The following AGPAT4 variants were observed in gnomAD, a reference collection of about 807,000 sequenced individuals.
AGPAT4 encodes 1-acyl-sn-glycerol-3-phosphate acyltransferase delta.
In AGPAT4, 15 loss-of-function variants were observed where a neutral mutation model predicts 48.0. The ratio of observed to expected loss-of-function variants is 0.31; its 90% CI spans 0.21 to 0.48. AGPAT4 has a LOEUF of 0.48. AGPAT4 is among the 20% of genes least tolerant of loss of function. AGPAT4 has a pLI of 0.99. For synonymous variants in AGPAT4, 178 were observed against 198.7 expected, an observed-to-expected ratio of 0.90 and a Z score of 0.88; for missense variants, 314 against 482.5, an observed-to-expected ratio of 0.65 and a Z score of 3.27.
In AGPAT4 at chr6:161,223,227, C is replaced by T. The variant is rs1781877461; in HGVS notation, c.178+8809G>A. Among the ~76,000 whole-genome samples the T allele has an allele frequency of 2.6e-5, 4 of 152,320 alleles. No homozygotes were observed. Among genetic ancestry groups the T allele is most frequent in the Admixed American group, 2.0e-4 (3 of 15,298 alleles). The stretch of plus-strand genomic sequence containing the variant: ...GGTGCTGACCCCAGTGCCTGGCCCC[C>T]TGGACTGAGCTTGGGTGCACGTTTG... On this transcript the variant is annotated intron_variant, in intron 2 of 8. Coordinates refer to ENST00000320285, the MANE Select transcript of AGPAT4 (RefSeq NM_020133.3). This position sits in a 1 kb window ranked among gnomAD's most constrained non-coding sequence, Gnocchi z 6.3.
intron 1 of AGPAT4, among the ~76,000 whole-genome samples, chr6:161,260,097 C>T (rs1311141674): frequency 5.3e-5 from 8 of 152,282 alleles, no homozygotes; most frequent in African/African-American, 1.9e-4. Flanking sequence ...ATCCAGCAGC[C>T]TCTCACTGCT....
At chr6:161,194,724 CAT>C (rs1416539447) in intron 2 of AGPAT4, among the ~76,000 whole-genome samples, 6 of 151,896 alleles carry the variant, frequency 4.0e-5, no homozygotes, top group East Asian at 1.9e-4. Context: ...TGTGTATGTG[CAT>C]ATGTGTGTGT....
At chr6:161,209,506 C>T (rs1562339241) in intron 2 of AGPAT4, among the ~76,000 whole-genome samples, 1 of 152,182 alleles carries the variant, frequency 6.6e-6, no homozygotes, top group East Asian at 1.9e-4. Context: ...CTCTGTTCCA[C>T]AGCCTTGGGC....
chr6:161,260,645 GACT>G (rs1480514321), intron 1 of AGPAT4, among the ~76,000 whole-genome samples: 1 of 99,468 alleles, frequency 1.0e-5, no homozygotes, highest in Non-Finnish European at 1.8e-5. Flanking sequence ...CACAAAAGGA[GACT>G]ACGTCTCAAA....
At position 161,169,011 on chromosome 6, in the gene AGPAT4, A is replaced by G. The variant is rs1166147661; in HGVS notation, c.179-2594T>C. ...ATGGGGCATAGCAGGCAATCAATAA[A>G]TGGACAGCTTTTTAATTACTATTAT... On this transcript the variant is annotated intron_variant, in intron 2 of 8. Transcript: ENST00000320285. This position sits in a 1 kb window ranked among gnomAD's most constrained non-coding sequence, Gnocchi z 5.0. Among the ~76,000 whole-genome samples the G allele has an allele frequency of 1.3e-5, 2 of 152,206 alleles. No individual in the cohort carries two copies. The highest frequency in any genetic ancestry group is 2.4e-5 in the African/African-American group (1 of 41,458).
In AGPAT4 at chr6:161,184,912, T is replaced by C. The variant is rs1983696; in HGVS notation, c.179-18495A>G. Among the ~76,000 whole-genome samples, 113,334 of 151,892 alleles carry C rather than the reference T, an allele frequency of 0.75. 43,197 individuals carry two copies. Among genetic ancestry groups the C allele is most frequent in the East Asian group, 0.9 (4,652 of 5,166 alleles). ...AAGCACCCATACATAACTTCTAGTT[T>C]ACAGGCAGGTCAAGAGGGAGGAGTA... is the stretch of plus-strand genomic sequence containing the variant. On this transcript the variant is annotated intron_variant, in intron 2 of 8. Transcript: ENST00000320285. This position sits in a 1 kb window ranked among gnomAD's most constrained non-coding sequence, Gnocchi z 4.8.
chr6:161,203,848 T>C (rs1781310095), intron 2 of AGPAT4, among the ~76,000 whole-genome samples: 1 of 152,172 alleles, frequency 6.6e-6, no homozygotes, highest in African/African-American at 2.4e-5. Context: ...TCTCCACCCC[T>C]TGTAGAGTTT....
Position 161,178,499 on chromosome 6 carries a change from G to A in AGPAT4, c.179-12082C>T, listed in dbSNP as rs1433743174. The stretch of plus-strand genomic sequence containing the variant: ...GTTGGAAAAGCGCAGTATTAGGGTG[G>A]GAGTGAACCAATTTTCCAGGTGCCG... On this transcript the variant is annotated intron_variant, in intron 2 of 8. Coordinates refer to ENST00000320285, the MANE Select transcript of AGPAT4 (RefSeq NM_020133.3). The surrounding 1 kb of genome is among the most constrained non-coding windows in gnomAD (Gnocchi z 5.1). Among the ~76,000 whole-genome samples, 1 of 152,212 alleles carries A rather than the reference G, an allele frequency of 6.6e-6. No individual in the cohort carries two copies. Among genetic ancestry groups the A allele is most frequent in the Non-Finnish European group, 1.5e-5 (1 of 68,036 alleles).
In AGPAT4 at chr6:161,140,651, G is replaced by A. The variant is rs1244546897; in HGVS notation, c.844-1031C>T. On this transcript the variant is annotated intron_variant, in intron 7 of 8. Coordinates refer to ENST00000320285, the MANE Select transcript of AGPAT4 (RefSeq NM_020133.3). The surrounding 1 kb of genome is among the most constrained non-coding windows in gnomAD (Gnocchi z 6.5). ...AGGCGTGCTCAAGCGGCTGGGAGCT[G>A]AGCTGAGCCAGGACCTGGGGGGAAC... Among the ~76,000 whole-genome samples the A allele has an allele frequency of 6.6e-6, 1 of 152,238 alleles. No homozygotes were observed. Among genetic ancestry groups the A allele is most frequent in the African/African-American group, 2.4e-5 (1 of 41,466 alleles).
At position 161,162,793 on chromosome 6, in the gene AGPAT4, C is replaced by T. The variant is rs78378982; in HGVS notation, c.348+3455G>A. 1.2e-3 allele frequency among the ~76,000 whole-genome samples: 183 copies of T among 152,310 alleles called. 4 individuals are homozygous for T. In the East Asian group the frequency reaches 0.018, roughly 15 times the overall value. On this transcript the variant is annotated intron_variant, in intron 3 of 8. Transcript: ENST00000320285. ...TCATGGTGTGCTTGCCAGGGCCTGGCGCTACCCAGACACTGAACGATCATG... is the reference window on the plus strand; with the variant it reads ...TCATGGTGTGCTTGCCAGGGCCTGGTGCTACCCAGACACTGAACGATCATG...
intron 1 of AGPAT4, among the ~76,000 whole-genome samples, chr6:161,268,032 G>A (rs1158802188): frequency 1.3e-5 from 2 of 152,210 alleles, no homozygotes; most frequent in Non-Finnish European, 2.9e-5. Flanking sequence ...GATGATCTGG[G>A]TTAACGTCTC....
rs1779754520 is a variant in AGPAT4 at position 161,155,861 on chromosome 6, A to C, written c.349-1551T>G. On this transcript the variant is annotated intron_variant, in intron 3 of 8. Coordinates refer to ENST00000320285, the MANE Select transcript of AGPAT4 (RefSeq NM_020133.3). This position sits in a 1 kb window ranked among gnomAD's most constrained non-coding sequence, Gnocchi z 5.8. ...CATGCAGTCATTTGAAGGAGCTATA[A>C]ATGATGATTGGTTCTGCAGCCAGGA... is the stretch of plus-strand genomic sequence containing the variant. Among the ~76,000 whole-genome samples the C allele has an allele frequency of 6.6e-6, 1 of 152,196 alleles. No homozygotes were observed. Among genetic ancestry groups the C allele is most frequent in the Non-Finnish European group, 1.5e-5 (1 of 68,024 alleles).
In AGPAT4 at chr6:161,249,800, C is replaced by T. The variant is rs1782758353; in HGVS notation, c.-89-17498G>A. Among the ~76,000 whole-genome samples the T allele has an allele frequency of 6.6e-6, 1 of 152,146 alleles. No homozygotes were observed. The highest frequency in any genetic ancestry group is 1.5e-5 in the Non-Finnish European group (1 of 68,032). ...GAAATATCATTCGACCCAGCAATCC[C>T]ATTACTGGTTATACACCCAAAGGAA... On this transcript the variant is annotated intron_variant, in intron 1 of 8. Transcript: ENST00000320285. This position sits in a 1 kb window ranked among gnomAD's most constrained non-coding sequence, Gnocchi z 6.2.
chr6:161,266,938 T>A lies in AGPAT4; in HGVS notation c.-90+7000A>T, dbSNP rs915092465. ...CAAGTCTCCCATTCTCATTTCAGAGTTGATCTAAGATAAGCACTGGCAGGG... is the reference window on the plus strand; with the variant it reads ...CAAGTCTCCCATTCTCATTTCAGAGATGATCTAAGATAAGCACTGGCAGGG... On this transcript the variant is annotated intron_variant, in intron 1 of 8. Transcript: ENST00000320285. This position sits in a 1 kb window ranked among gnomAD's most constrained non-coding sequence, Gnocchi z 6.2. 6.6e-6 allele frequency among the ~76,000 whole-genome samples: 1 copy of A among 152,182 alleles called. No homozygotes were observed. The highest frequency in any genetic ancestry group is 1.5e-5 in the Non-Finnish European group (1 of 68,040).
At chr6:161,224,307 C>T (rs1781911062) in intron 2 of AGPAT4, among the ~76,000 whole-genome samples, 1 of 152,028 alleles carries the variant, frequency 6.6e-6, no homozygotes, top group Non-Finnish European at 1.5e-5. Context: ...TAACATGTGG[C>T]AAGTAGAACC....
chr6:161,207,250 T>C (rs1339367256), intron 2 of AGPAT4, among the ~76,000 whole-genome samples: 1 of 152,216 alleles, frequency 6.6e-6, no homozygotes, highest in Non-Finnish European at 1.5e-5. Flanking sequence ...AAATCAGTCA[T>C]TGAAGATATA....
rs1779019010 is a variant in AGPAT4 at position 161,134,987 on chromosome 6, T to C, written c.*1553A>G. 1 of 100,442 alleles carries C rather than the reference T, an allele frequency of 1.0e-5. No individual in the cohort carries two copies. Among genetic ancestry groups the C allele is most frequent in the Non-Finnish European group, 2.0e-5 (1 of 50,002 alleles). The allele number at this position is 100,442 out of a possible 1,614,324, so 6.2% of individuals were successfully genotyped here. A position where few individuals can be genotyped will look rare whatever the true frequency, so the allele number is the denominator to read the frequency against. ...CCTTTTTCACTTCTGTGGATTCAAATAATTCATTTGTATCAACAAACAAAC... is the reference window on the plus strand; with the variant it reads ...CCTTTTTCACTTCTGTGGATTCAAACAATTCATTTGTATCAACAAACAAAC... On this transcript the variant is annotated 3_prime_UTR_variant, in exon 9 of 9. Coordinates refer to ENST00000320285, the MANE Select transcript of AGPAT4 (RefSeq NM_020133.3).
Position 161,143,897 on chromosome 6 carries a change from T to C in AGPAT4, c.843+2627A>G. 1 of 308,322 alleles carries C rather than the reference T, an allele frequency of 3.2e-6. No homozygotes were observed. 19.1% of individuals were successfully genotyped at this position (308,322 alleles called of 1,614,324 possible). The stretch of plus-strand genomic sequence containing the variant: ...ATTCCCCTCCCATTTTGCAGAAACT[T>C]TACTTGTCCATGAAATTGAAAAGTC... On this transcript the variant is annotated intron_variant, in intron 7 of 8. Transcript: ENST00000320285. The surrounding 1 kb of genome is among the most constrained non-coding windows in gnomAD (Gnocchi z 4.7).
At chr6:161,237,409 T>C in intron 1 of AGPAT4, among the ~76,000 whole-genome samples, 1 of 152,320 alleles carries the variant, frequency 6.6e-6, no homozygotes, top group Non-Finnish European at 1.5e-5. Flanking sequence ...TCTTACTGAA[T>C]ACCAGAAGAA....
Sources: allele counts gnomAD v4.1 joint callset (sites outside exome capture counted in the v4.1 genomes callset), GRCh38; gene constraint gnomAD v4.1.1; non-coding constraint Gnocchi (gnomAD v3.1); transcripts MANE v1.5; gene names NCBI Gene and HGNC (gene_info 2026-07-23, HGNC 2026-07-21).